Variants in ZNF469 observed in about 807,000 individuals in gnomAD.
The protein encoded by ZNF469 is zinc finger protein 469.
A neutral mutation model predicts 1.0 loss-of-function variants in ZNF469; 1 was observed. The observed-to-expected ratio is 1.00, with a 90% CI of 0.35 to 4.73. The LOEUF (loss-of-function observed/expected upper bound fraction) is 4.73. ZNF469 is among the 30% of genes most tolerant of loss of function. ZNF469 has a pLI of 0.16. For missense variants in ZNF469, 6,100 were observed against 5,356.3 expected, an observed-to-expected ratio of 1.14 and a Z score of -4.33; for synonymous variants, 2,703 against 2,363.4, an observed-to-expected ratio of 1.14 and a Z score of -4.17.
chr16:88,296,206 C>G, the ZNF469 span, among the ~76,000 whole-genome samples: 2 of 152,192 alleles, frequency 1.3e-5, no homozygotes, highest in African/African-American at 4.8e-5. Flanking sequence ...GCTTCTGTGT[C>G]CAGACTCCAG....
chr16:88,297,976 T>A, the ZNF469 span, among the ~76,000 whole-genome samples: 1 of 152,104 alleles, frequency 6.6e-6, no homozygotes, highest in Non-Finnish European at 1.5e-5. Flanking sequence ...GGTTCCCCAA[T>A]ATCTTTATGT....
chr16:88,354,188 C>T, the ZNF469 span, among the ~76,000 whole-genome samples: 1 of 152,194 alleles, frequency 6.6e-6, no homozygotes, highest in Admixed American at 6.5e-5. Context: ...GGGTTCCCTT[C>T]TACGGGCAGA....
chr16:88,239,607 C>T, the ZNF469 span, among the ~76,000 whole-genome samples: 150 of 144,616 alleles, frequency 1.0e-3, no homozygotes, highest in Non-Finnish European at 9.1e-4. Context: ...CCTGCCTCAG[C>T]CTCCCGAGTA....
At chr16:88,293,853 TG>T in the ZNF469 span, among the ~76,000 whole-genome samples, 1 of 152,278 alleles carries the variant, frequency 6.6e-6, no homozygotes, top group African/African-American at 2.4e-5. Context: ...TATGGGTAGC[TG>T]ATCGGGAAAG....
At chr16:88,194,781 G>A in the ZNF469 span, 1 of 152,222 alleles carries the variant, frequency 6.6e-6, no homozygotes, top group Non-Finnish European at 1.5e-5. Flanking sequence ...AGTGTCAGCT[G>A]TTCTTCTGTC....
At chr16:88,419,989 TG>T (rs1182717323) in intron 1 of ZNF469, among the ~76,000 whole-genome samples, 1 of 152,188 alleles carries the variant, frequency 6.6e-6, no homozygotes, top group Non-Finnish European at 1.5e-5. Flanking sequence ...TGGCTGCAGG[TG>T]GGGGCCAGAT....
At chr16:88,235,839 T>C in the ZNF469 span, among the ~76,000 whole-genome samples, 1,857 of 152,216 alleles carry the variant, frequency 0.012, 29 homozygotes, top group African/African-American at 0.041. Context: ...TGGGCCACAG[T>C]GTGAGCTCAT....
chr16:88,146,198 C>T, the ZNF469 span, among the ~76,000 whole-genome samples: 3 of 152,230 alleles, frequency 2.0e-5, no homozygotes, highest in Admixed American at 1.3e-4. Flanking sequence ...ACGACCCACC[C>T]GGGCCCAGGT....
At chr16:88,303,877 C>A in the ZNF469 span, among the ~76,000 whole-genome samples, 1 of 152,172 alleles carries the variant, frequency 6.6e-6, no homozygotes, top group Non-Finnish European at 1.5e-5. Flanking sequence ...CCACACAGGC[C>A]ACACTCAGTG....
At chr16:88,233,593 G>A in the ZNF469 span, among the ~76,000 whole-genome samples, 1 of 152,248 alleles carries the variant, frequency 6.6e-6, no homozygotes, top group Non-Finnish European at 1.5e-5. Flanking sequence ...GTTCTGTTTT[G>A]GTGAGGGAGT....
At chr16:88,386,096 A>G (rs891817035) in intron 1 of ZNF469, among the ~76,000 whole-genome samples, 1 of 152,040 alleles carries the variant, frequency 6.6e-6, no homozygotes, top group African/African-American at 2.4e-5. Context: ...TGCCTTCCCC[A>G]TCTTCTTCCC....
chr16:88,318,634 C>G, the ZNF469 span, among the ~76,000 whole-genome samples: 1 of 152,254 alleles, frequency 6.6e-6, no homozygotes, highest in African/African-American at 2.4e-5. Context: ...CTGGCGTGTC[C>G]CACACCTGGG....
the ZNF469 span, among the ~76,000 whole-genome samples, chr16:88,336,853 A>C: frequency 0.033 from 5,051 of 152,288 alleles, 119 homozygotes; most frequent in Middle Eastern, 0.14. Flanking sequence ...ATACCCATGG[A>C]AGTTCACCAC....
In ZNF469 at chr16:88,438,336, G is replaced by T. The variant is rs1349083504; in HGVS notation, c.10866G>T (p.Gly3622=). ...EGKRAPLVFS[G]KRRAPGARGR... Reference sequence around the variant, plus strand: ...AGAGGGCTCCTCTCGTGTTCTCAGGGAAACGCAGGGCCCCGGGTGCCCGTG... The same window carrying T: ...AGAGGGCTCCTCTCGTGTTCTCAGGTAAACGCAGGGCCCCGGGTGCCCGTG... The change falls in exon 3 of 3, where the codon GGG becomes GGT. Residue 3622 remains glycine, a synonymous_variant. Transcript: ENST00000565624. 6 of 1,550,100 alleles carry T rather than the reference G, an allele frequency of 3.9e-6. No homozygotes were observed. Among genetic ancestry groups the T allele is most frequent in the Non-Finnish European group, 5.2e-6 (6 of 1,146,964 alleles).
chr16:88,217,503 C>T, the ZNF469 span, among the ~76,000 whole-genome samples: 7 of 150,256 alleles, frequency 4.7e-5, no homozygotes, highest in African/African-American at 1.7e-4. Flanking sequence ...AGGTTAGTTA[C>T]ATACGTATAC....
rs767431034 is a variant in ZNF469 at position 88,430,122 on chromosome 16, C to G, written c.2652C>G (p.Pro884=). 13 of 1,550,146 alleles carry G rather than the reference C, an allele frequency of 8.4e-6. No homozygotes were observed. In the East Asian group the frequency reaches 1.5e-4, roughly 17 times the overall value. The part of the protein sequence containing the change: ...SGPRGPSSGH[P]LKSKAGVTPE... ...CCAGAGGTCCCAGCTCCGGACACCC[C>G]CTTAAGAGCAAGGCGGGGGTGACTC... Residue 884 remains proline, a synonymous_variant, in exon 3 of 3, where the codon CCC becomes CCG. Coordinates refer to ENST00000565624, the MANE Select transcript of ZNF469 (RefSeq NM_001367624.2).
At chr16:88,134,251 G>A in the ZNF469 span, among the ~76,000 whole-genome samples, 2 of 152,158 alleles carry the variant, frequency 1.3e-5, no homozygotes, top group Non-Finnish European at 2.9e-5. Flanking sequence ...GTATTTTGGG[G>A]CCATCCTTCT....
chr16:88,354,716 CCAAG>C, the ZNF469 span, among the ~76,000 whole-genome samples: 1 of 152,318 alleles, frequency 6.6e-6, no homozygotes, highest in East Asian at 1.9e-4. Context: ...CATTCTCCGC[CCAAG>C]CAGTCTCCCA....
At chr16:88,420,087 G>C (rs375000012) in intron 1 of ZNF469, among the ~76,000 whole-genome samples, 1 of 152,344 alleles carries the variant, frequency 6.6e-6, no homozygotes, top group Non-Finnish European at 1.5e-5. Flanking sequence ...TCCATGTGTG[G>C]GGAAGACAGG....
Sources: allele counts gnomAD v4.1 joint callset (sites outside exome capture counted in the v4.1 genomes callset), GRCh38; gene constraint gnomAD v4.1.1; transcripts MANE v1.5; gene names NCBI Gene and HGNC (gene_info 2026-07-23, HGNC 2026-07-21).